Variants in MCCC1 observed in about 807,000 individuals in gnomAD.
The protein encoded by MCCC1 is methylcrotonoyl-CoA carboxylase subunit alpha, mitochondrial.
A neutral mutation model predicts 83.8 loss-of-function variants in MCCC1; 64 were observed. The ratio of observed to expected loss-of-function variants is 0.76; its 90% CI spans 0.62 to 0.94. The LOEUF (loss-of-function observed/expected upper bound fraction) is 0.94, where lower values mean the gene tolerates loss of function less well. Among genes scored for constraint, MCCC1 ranks in the 40% least tolerant of loss-of-function variants. The pLI is 0.00. For missense variants in MCCC1, 807 were observed against 904.7 expected, an observed-to-expected ratio of 0.89 and a Z score of 1.39; for synonymous variants, 322 against 315.4, an observed-to-expected ratio of 1.02 and a Z score of -0.22.
chr3:183,082,338 G>GA (rs113294037), intron 4 of MCCC1, among the ~76,000 whole-genome samples: 9 of 150,952 alleles, frequency 6.0e-5, no homozygotes, highest in Middle Eastern at 3.4e-3. Context: ...GGTAGCACAT[G>GA]AAAAAAAAAT....
At chr3:183,022,638 G>T in intron 15 of MCCC1, 84 bp from the exon 16 acceptor site, 1 of 1,214,472 alleles carries the variant, frequency 8.2e-7, no homozygotes, top group Non-Finnish European at 1.2e-6. Flanking sequence ...CTTCACTATT[G>T]GTAGTTTTAA....
intron 7 of MCCC1, among the ~76,000 whole-genome samples, chr3:183,066,804 A>G (rs1185243410): frequency 1.3e-5 from 2 of 152,190 alleles, no homozygotes; most frequent in Non-Finnish European, 2.9e-5. Flanking sequence ...ATCTTTTTTG[A>G]CTTTTTGCTT....
At chr3:183,110,225 C>A (rs1202569535) in intron 1 of MCCC1, among the ~76,000 whole-genome samples, 1 of 152,060 alleles carries the variant, frequency 6.6e-6, no homozygotes, top group Admixed American at 6.6e-5. Context: ...GGTTCTTTTG[C>A]TGTGTAGAAG....
In MCCC1 at chr3:183,064,636, G is replaced by C. The variant is rs924739720; in HGVS notation, c.761+6363C>G. ...TGCGGTACGCCTCCTGCGCGTTGCC[G>C]AAGTCCACTGCGGGCACCGGCGGCC... On this transcript the variant is annotated intron_variant, in intron 7 of 18. Transcript: ENST00000265594. The surrounding 1 kb of genome is among the most constrained non-coding windows in gnomAD (Gnocchi z 4.5). Among the ~76,000 whole-genome samples, 1 of 152,196 alleles carries C rather than the reference G, an allele frequency of 6.6e-6. No individual in the cohort carries two copies. The highest frequency in any genetic ancestry group is 2.4e-5 in the African/African-American group (1 of 41,460).
In MCCC1 at chr3:183,030,373, C is replaced by T. The variant is rs180925703; in HGVS notation, c.1681+3618G>A. Among the ~76,000 whole-genome samples the T allele has an allele frequency of 2.0e-3, 303 of 152,308 alleles. 3 individuals carry two copies. Among genetic ancestry groups the T allele is most frequent in the Middle Eastern group, 3.4e-3 (1 of 294 alleles). Reference sequence around the variant, plus strand: ...TCCCCATATATGCCCCCAGCTTTCCCTGCACTGTGGCTCTGTGCTCACGCT... The same window carrying T: ...TCCCCATATATGCCCCCAGCTTTCCTTGCACTGTGGCTCTGTGCTCACGCT... On this transcript the variant is annotated intron_variant, in intron 14 of 18. Transcript: ENST00000265594.
chr3:183,015,573 A>C lies in MCCC1; in HGVS notation c.2050-7T>G, dbSNP rs1260434901. On this transcript the variant is annotated splice_region_variant and splice_polypyrimidine_tract_variant and intron_variant, in intron 18 of 18. Transcript: ENST00000265594. ...TTGGAGACTTTATGGTATGCTGCAG[A>C]GACACATGACAGGACAAATGATAGC... 6.2e-7 allele frequency: 1 copy of C among 1,614,018 alleles called. No individual in the cohort carries two copies. The highest frequency in any genetic ancestry group is 8.5e-7 in the Non-Finnish European group (1 of 1,180,000).
At chr3:183,051,953 A>G (rs905665771) in intron 9 of MCCC1, among the ~76,000 whole-genome samples, 1 of 152,246 alleles carries the variant, frequency 6.6e-6, no homozygotes, top group African/African-American at 2.4e-5. Context: ...GTACTGTTTA[A>G]TGAAACATTT....
rs1718425667 is a variant in MCCC1, at chr3:183,092,400, AAC to A, written c.273+7_273+8del. The A allele has an allele frequency of 1.9e-6, 3 of 1,614,226 alleles. No individual in the cohort carries two copies. The East Asian group carries it at 6.7e-5, about 36-fold the overall frequency. Reference sequence around the variant, plus strand: ...ACGTAAGACGTGGCTTCCAATTTTTAACACATACCATATCTACATGCATGGAA... The same window carrying A: ...ACGTAAGACGTGGCTTCCAATTTTTAACATACCATATCTACATGCATGGAA... On this transcript the variant is annotated splice_region_variant and intron_variant, in intron 3 of 18. Transcript: ENST00000265594.
Position 183,040,054 on chromosome 3 carries a change from C to G in MCCC1, c.1268-919G>C, listed in dbSNP as rs549776771. ...GAGGTTGCAGTGAGCCAAAATCGTG[C>G]CATTGCACTCCAGCCTGGGCAACAA... On this transcript the variant is annotated intron_variant, in intron 11 of 18. Coordinates refer to ENST00000265594, the MANE Select transcript of MCCC1 (RefSeq NM_020166.5). Among the ~76,000 whole-genome samples the G allele has an allele frequency of 1.1e-3, 148 of 131,686 alleles. 1 individual carries two copies. The highest frequency in any genetic ancestry group is 1.4e-3 in the Non-Finnish European group (90 of 64,436). The allele number at this position is 131,686 out of a possible 152,430, so 86.4% of individuals were successfully genotyped here.
intron 17 of MCCC1, among the ~76,000 whole-genome samples, chr3:183,019,509 G>C (rs1242337151): frequency 3.3e-5 from 5 of 152,172 alleles, no homozygotes; most frequent in Non-Finnish European, 7.3e-5. Flanking sequence ...GGCTGTTTAT[G>C]AAATCGGTAA....
chr3:183,088,272 T>C (rs1427338802), intron 3 of MCCC1, among the ~76,000 whole-genome samples: 1 of 151,350 alleles, frequency 6.6e-6, no homozygotes, highest in East Asian at 1.9e-4. Context: ...AGTGGCGCGA[T>C]CTCGGCTCAC....
At chr3:183,103,272 G>A (rs1220246320), upstream of MCCC1, among the ~76,000 whole-genome samples, 1 of 152,078 alleles carries the variant, frequency 6.6e-6, no homozygotes. Flanking sequence ...CTTCCACAGT[G>A]TGGAAGCAGA....
intron 1 of MCCC1, among the ~76,000 whole-genome samples, chr3:183,114,944 T>TA (rs1249321113): frequency 4.6e-5 from 7 of 152,148 alleles, no homozygotes; most frequent in African/African-American, 1.7e-4. Flanking sequence ...GATGCCCCTC[T>TA]ACCTTGCCAG....
At chr3:183,109,858 T>C (rs976172337) in intron 1 of MCCC1, among the ~76,000 whole-genome samples, 6 of 152,358 alleles carry the variant, frequency 3.9e-5, no homozygotes, top group African/African-American at 1.4e-4. Flanking sequence ...CTGAACTAAT[T>C]TACATTCCCA....
At chr3:183,066,599 C>CA (rs1388290773) in intron 7 of MCCC1, among the ~76,000 whole-genome samples, 1 of 152,122 alleles carries the variant, frequency 6.6e-6, no homozygotes, top group East Asian at 1.9e-4. Flanking sequence ...CACCAAGCCC[C>CA]AAAAGGTGAT....
intron 1 of MCCC1, among the ~76,000 whole-genome samples, chr3:183,114,851 A>G (rs1719563836): frequency 6.6e-6 from 1 of 152,138 alleles, no homozygotes; most frequent in Non-Finnish European, 1.5e-5. Context: ...AGCAGGACCC[A>G]TGCTGGCTGC....
intron 10 of MCCC1, among the ~76,000 whole-genome samples, chr3:183,044,288 A>G (rs1227363093): frequency 6.6e-6 from 1 of 152,202 alleles, no homozygotes; most frequent in Non-Finnish European, 1.5e-5. Context: ...TGTTCTTATG[A>G]GAACAAAAAC....
intron 4 of MCCC1, among the ~76,000 whole-genome samples, chr3:183,078,873 G>A (rs943796305): frequency 5.3e-5 from 8 of 152,206 alleles, no homozygotes; most frequent in South Asian, 4.1e-4. Context: ...AATCATGGCG[G>A]AAGGCAGGGA....
In MCCC1 at chr3:183,064,356, G is replaced by C. The variant is rs1716080138; in HGVS notation, c.761+6643C>G. Among the ~76,000 whole-genome samples, 1 of 152,006 alleles carries C rather than the reference G, an allele frequency of 6.6e-6. No individual in the cohort carries two copies. The highest frequency in any genetic ancestry group is 1.5e-5 in the Non-Finnish European group (1 of 68,004). On this transcript the variant is annotated intron_variant, in intron 7 of 18. Transcript: ENST00000265594. The surrounding 1 kb of genome is among the most constrained non-coding windows in gnomAD (Gnocchi z 4.5). ...AATATTAAAATGATCATTGTTTTTA[G>C]TTGGTAGACATCGACAAGTAGGAAA...
Sources: gnomAD v4.1 joint callset for allele counts (sites outside exome capture counted in the v4.1 genomes callset) on GRCh38, gnomAD v4.1.1 for gene constraint, Gnocchi (gnomAD v3.1) non-coding constraint, MANE v1.5 for transcripts, NCBI Gene and HGNC (gene_info 2026-07-23, HGNC 2026-07-21) for gene names.